The following KALRN variants were observed in gnomAD, a reference collection of about 807,000 sequenced individuals.
KALRN encodes the protein kalirin RhoGEF kinase, also known as kalirin.
KALRN carries 70 observed loss-of-function variants against 353.7 expected under a neutral mutation model. The observed-to-expected ratio is 0.20, with a 90% CI of 0.16 to 0.24. The LOEUF is 0.24. KALRN is among the 10% of genes least tolerant of loss of function. The pLI, the probability that KALRN is intolerant of heterozygous loss-of-function variation, is 1.00. For missense variants in KALRN, 2,791 were observed against 3,756.7 expected, an observed-to-expected ratio of 0.74 and a Z score of 6.72; for synonymous variants, 1,391 against 1,434.8, an observed-to-expected ratio of 0.97 and a Z score of 0.69.
chr3:124,439,200 T>TCACACACACA (rs376221553), intron 18 of KALRN, among the ~76,000 whole-genome samples, 163 bp downstream of exon 18: 25 of 98,866 alleles, frequency 2.5e-4, no homozygotes, highest in African/African-American at 8.1e-4. Context: ...TCTCTCTCTC[T>TCACACACACA]CACACACACA....
intron 6 of KALRN, among the ~76,000 whole-genome samples, chr3:124,300,724 T>C (rs900743766): frequency 6.6e-6 from 1 of 152,182 alleles, no homozygotes; most frequent in Non-Finnish European, 1.5e-5. Context: ...GAGGTGAACA[T>C]CATGAGACTT....
At chr3:124,065,128 T>C (rs1395626829) in intron 1 of KALRN, among the ~76,000 whole-genome samples, 1 of 152,096 alleles carries the variant, frequency 6.6e-6, no homozygotes, top group Non-Finnish European at 1.5e-5. Context: ...CAGAATTGAG[T>C]GGAAGGAGTT....
chr3:124,537,085 AGGCTGGAATGCAGT>A (rs2068579979), intron 33 of KALRN, among the ~76,000 whole-genome samples: 1 of 152,148 alleles, frequency 6.6e-6, no homozygotes, highest in Non-Finnish European at 1.5e-5. Flanking sequence ...TCTGTCACCC[AGGCTGGAATGCAGT>A]GGCACAATCT....
At chr3:124,646,661 G>A (rs1174300078) in intron 37 of KALRN, among the ~76,000 whole-genome samples, 1 of 150,590 alleles carries the variant, frequency 6.6e-6, no homozygotes. Flanking sequence ...AAAGTGTTGG[G>A]ATTACGGGCA....
In KALRN at chr3:124,413,570, A is replaced by G; in HGVS notation, c.2447A>G (p.His816Arg). 1 of 1,614,104 alleles carries G rather than the reference A, an allele frequency of 6.2e-7. No individual in the cohort carries two copies. Among genetic ancestry groups the G allele is most frequent in the Non-Finnish European group, 8.5e-7 (1 of 1,179,996 alleles). The change falls in exon 14 of 60, where the codon CAC becomes CGC. Residue 816 changes from histidine to arginine, a missense_variant. By Grantham distance (29) the His-to-Arg change is conservative (BLOSUM62 0). This residue lies in a region of KALRN where 452 missense variants were observed against 575.8 expected (regional missense o/e 0.78). Transcript: ENST00000682506. The part of the protein sequence containing the change: ...LTLAEQRLQR[H>R]TERKLAMNNM... ...CTGGCAGAACAGCGGCTGCAGCGCC[A>G]CACAGAACGGAAGCTAGCCATGAAC...
At chr3:124,123,071 C>T (rs745510494) in intron 1 of KALRN, among the ~76,000 whole-genome samples, 2 of 152,078 alleles carry the variant, frequency 1.3e-5, no homozygotes, top group Non-Finnish European at 1.5e-5. Flanking sequence ...CGTGGTGGCA[C>T]GTGCCTGTAA....
In KALRN at chr3:124,488,182, G is replaced by A. The variant is rs1281133537; in HGVS notation, c.4285-22G>A. On this transcript the variant is annotated intron_variant, in intron 28 of 59. Coordinates refer to ENST00000682506, the MANE Select transcript of KALRN (RefSeq NM_001388419.1). The stretch of plus-strand genomic sequence containing the variant: ...AGCTGGGGGAGATGGCCCTAATTAT[G>A]TCCGGACTTTTTTTTCCCCAGGAAC... The A allele has an allele frequency of 3.3e-6, 5 of 1,529,284 alleles. No individual in the cohort carries two copies. The South Asian group carries it at 5.6e-5, about 17-fold the overall frequency. 94.7% of individuals were successfully genotyped at this position (1,529,284 alleles called of 1,614,324 possible).
chr3:124,462,784 C>T (rs1486042831), intron 25 of KALRN, 151 bp downstream of exon 25: 2 of 581,532 alleles, frequency 3.4e-6, no homozygotes, highest in Non-Finnish European at 3.1e-6. Context: ...ACTCACTCCC[C>T]TTTCTCCATA....
chr3:124,047,949 ATGAGG>A (rs1559869113), intron 1 of KALRN, among the ~76,000 whole-genome samples: 3 of 152,288 alleles, frequency 2.0e-5, no homozygotes, highest in Admixed American at 2.0e-4. Flanking sequence ...GTTTGCTGAT[ATGAGG>A]TATTTCCTTC....
chr3:124,308,783 T>C (rs550526177), intron 6 of KALRN, among the ~76,000 whole-genome samples: 2 of 151,220 alleles, frequency 1.3e-5, no homozygotes, highest in Non-Finnish European at 3.0e-5. Flanking sequence ...AAACGAAACC[T>C]AAAGCAAGCA....
chr3:124,669,344 G>A (rs570004264), intron 47 of KALRN, among the ~76,000 whole-genome samples: 2 of 152,286 alleles, frequency 1.3e-5, no homozygotes, highest in African/African-American at 2.4e-5. Flanking sequence ...ACACTGTATC[G>A]ATCAGTCAAA....
chr3:124,200,641 T>C (rs1350881710), intron 1 of KALRN, among the ~76,000 whole-genome samples: 1 of 152,162 alleles, frequency 6.6e-6, no homozygotes, highest in African/African-American at 2.4e-5. Context: ...CCTTAGAGAA[T>C]TGTGGTGAAC....
At chr3:124,416,129 A>G (rs768154470) in intron 14 of KALRN, among the ~76,000 whole-genome samples, 1 of 152,156 alleles carries the variant, frequency 6.6e-6, no homozygotes, top group Non-Finnish European at 1.5e-5. Flanking sequence ...ATGGACAGAG[A>G]AGCTATGCAG....
At chr3:124,498,593 C>T (rs1156967857) in intron 33 of KALRN, among the ~76,000 whole-genome samples, 1 of 152,146 alleles carries the variant, frequency 6.6e-6, no homozygotes, top group Non-Finnish European at 1.5e-5. Context: ...AAAGAAAGAT[C>T]AAATCCCAAC....
intron 1 of KALRN, among the ~76,000 whole-genome samples, chr3:124,192,602 G>A (rs944953043): frequency 3.9e-5 from 6 of 152,118 alleles, no homozygotes; most frequent in African/African-American, 4.8e-5. Context: ...CTTATTTCAC[G>A]TTACATGCCT....
At chr3:124,382,895 A>T (rs541131951) in intron 10 of KALRN, among the ~76,000 whole-genome samples, 1 of 151,996 alleles carries the variant, frequency 6.6e-6, no homozygotes, top group East Asian at 2.0e-4. Context: ...GTCTCCCTGC[A>T]TGTCTCTCAT....
At chr3:124,562,628 ATTTTTT>A in intron 33 of KALRN, 1 of 367,936 alleles carries the variant, frequency 2.7e-6, no homozygotes, top group Non-Finnish European at 5.2e-6. Flanking sequence ...TGCTAATTAC[ATTTTTT>A]TCTTGTTTTC....
At chr3:124,173,866 G>A (rs1482928077) in intron 1 of KALRN, among the ~76,000 whole-genome samples, 2 of 151,862 alleles carry the variant, frequency 1.3e-5, no homozygotes, top group Non-Finnish European at 2.9e-5. Context: ...CGCCCACCTC[G>A]GCCTCCCTAA....
At position 124,467,593 on chromosome 3, in the gene KALRN, A is replaced by G. The variant is rs192263555; in HGVS notation, c.4031+4960A>G. ...TGAACAAAGGCCCTGCAAGGGAGAA[A>G]AGTGGTGAAGTCTAGCAGGGAGGTT... On this transcript the variant is annotated intron_variant, in intron 25 of 59. Transcript: ENST00000682506. Among the ~76,000 whole-genome samples the G allele has an allele frequency of 2.6e-4, 40 of 152,274 alleles. 1 individual carries two copies. The highest frequency in any genetic ancestry group is 1.5e-3 in the Admixed American group (23 of 15,290).
Sources: allele counts gnomAD v4.1 joint callset (sites outside exome capture counted in the v4.1 genomes callset), GRCh38; gene constraint gnomAD v4.1.1; regional missense constraint gnomAD v4.1.1; transcripts MANE v1.5; gene names NCBI Gene and HGNC (gene_info 2026-07-23, HGNC 2026-07-21).